The following DNAH11 variants were observed in gnomAD, a reference collection of about 807,000 sequenced individuals.
The protein encoded by DNAH11 is dynein axonemal heavy chain 11, also known as axonemal beta dynein heavy chain 11.
In DNAH11, 442 loss-of-function variants were observed where a neutral mutation model predicts 526.0. The observed-to-expected ratio is 0.84, with a 90% confidence interval of 0.78 to 0.91. The LOEUF is 0.91. DNAH11 is among the 40% of genes least tolerant of loss of function. The pLI, the probability that DNAH11 is intolerant of heterozygous loss-of-function variation, is 0.00. For synonymous variants in DNAH11, 2,461 were observed against 1,935.9 expected, an observed-to-expected ratio of 1.27 and a Z score of -7.12; for missense variants, 6,989 against 5,448.7, an observed-to-expected ratio of 1.28 and a Z score of -8.90.
chr7:21,854,204 C>A, intron 67 of DNAH11, 111 bp from the exon 68 acceptor site: 1 of 1,104,492 alleles, frequency 9.1e-7, no homozygotes, highest in Admixed American at 3.2e-5. Flanking sequence ...TGCATGTTAT[C>A]TATTTTAATA....
At chr7:21,626,319 T>C (rs1786330645) in intron 25 of DNAH11, among the ~76,000 whole-genome samples, 1 of 152,202 alleles carries the variant, frequency 6.6e-6, no homozygotes, top group Non-Finnish European at 1.5e-5. Context: ...GGCTGAATAA[T>C]ATTCTATTGT....
rs199799310 is a variant in DNAH11 at position 21,807,962 on chromosome 7, G to A, written c.10245G>A (p.Ala3415=). Residue 3415 remains alanine (A), a synonymous_variant, in exon 63 of 82, where the codon GCG becomes GCA. Coordinates refer to ENST00000409508, the MANE Select transcript of DNAH11 (RefSeq NM_001277115.2). ...TCTGTGGAGATGTTCTTCTCACGGC[G>A]GCATTTGTGTCTTACGTCGGACCCT... ...KTLCGDVLLT[A]AFVSYVGPFT... 7.9e-5 allele frequency: 127 copies of A among 1,608,186 alleles called. No individual in the cohort carries two copies. The East Asian group carries it at 1.5e-3, about 19-fold the overall frequency.
intron 22 of DNAH11, 64 bp from the exon 23 acceptor site, chr7:21,617,555 C>T (rs368446330): frequency 3.2e-6 from 5 of 1,558,380 alleles, no homozygotes; most frequent in Admixed American, 3.7e-5. Flanking sequence ...TCAAAGGAGG[C>T]AAATTATTAA....
At chr7:21,737,174 C>G (rs960647629) in intron 46 of DNAH11, among the ~76,000 whole-genome samples, 3 of 152,070 alleles carry the variant, frequency 2.0e-5, no homozygotes, top group African/African-American at 7.2e-5. Flanking sequence ...GATAGAAGGA[C>G]CAGCTTAAGC....
At position 21,864,577 on chromosome 7, in the gene DNAH11, T is replaced by A. The variant is rs754427666; in HGVS notation, c.11416T>A (p.Phe3806Ile). 6.2e-7 allele frequency: 1 copy of A among 1,612,362 alleles called. No individual in the cohort carries two copies. The highest frequency in any genetic ancestry group is 8.5e-7 in the Non-Finnish European group (1 of 1,179,098). ...AGAGATAGACCCTCTTGAATTGGATTTCCTGCTTCGATTCACAGTTGAACA... is the reference window on the plus strand; with the variant it reads ...AGAGATAGACCCTCTTGAATTGGATATCCTGCTTCGATTCACAGTTGAACA... Reference protein sequence around the residue: ...KKEIDPLELDFLLRFTVEHTH... With the variant: ...KKEIDPLELDILLRFTVEHTH... Residue 3806 changes from phenylalanine (F) to isoleucine (I), a missense_variant, in exon 70 of 82, where the codon TTC becomes ATC. Transcript: ENST00000409508.
intron 20 of DNAH11, 79 bp downstream of exon 20, chr7:21,606,812 A>AG: frequency 1.6e-6 from 2 of 1,212,452 alleles, no homozygotes; most frequent in Non-Finnish European, 2.3e-6. Context: ...AAATACTGCC[A>AG]CATTTTGTCT....
intron 55 of DNAH11, among the ~76,000 whole-genome samples, chr7:21,768,482 A>G (rs557917816): frequency 1.3e-5 from 2 of 152,188 alleles, no homozygotes; most frequent in South Asian, 4.1e-4. Flanking sequence ...AAGGAGTGAG[A>G]TGTTTGTTGG....
chr7:21,710,474 A>T, intron 40 of DNAH11, 79 bp from the exon 41 acceptor site: 4 of 1,333,088 alleles, frequency 3.0e-6, no homozygotes, highest in Non-Finnish European at 4.1e-6. Flanking sequence ...GTTTTTATTT[A>T]GTTAATAAAA....
chr7:21,590,244 A>G (rs1784624509), intron 12 of DNAH11, among the ~76,000 whole-genome samples: 2 of 152,304 alleles, frequency 1.3e-5, no homozygotes, highest in Admixed American at 1.3e-4. Context: ...ATGTATATGC[A>G]TTGTATATAT....
intron 42 of DNAH11, among the ~76,000 whole-genome samples, chr7:21,715,165 G>T (rs2128482146): frequency 6.6e-6 from 1 of 152,314 alleles, no homozygotes; most frequent in South Asian, 2.1e-4. Flanking sequence ...CTTGAAGCTT[G>T]CTCTAAGGGT....
At chr7:21,608,397 T>C (rs1785387065) in intron 20 of DNAH11, among the ~76,000 whole-genome samples, 1 of 152,216 alleles carries the variant, frequency 6.6e-6, no homozygotes, top group African/African-American at 2.4e-5. Flanking sequence ...CTGGGCACCT[T>C]TCTGAGTTGC....
intron 74 of DNAH11, among the ~76,000 whole-genome samples, chr7:21,877,699 C>A (rs1015501640): frequency 2.6e-5 from 4 of 151,790 alleles, no homozygotes; most frequent in Non-Finnish European, 5.9e-5. Flanking sequence ...AAAGGTGAAA[C>A]CCCATCTCTA....
At chr7:21,592,559 G>A (rs1211605802) in intron 14 of DNAH11, among the ~76,000 whole-genome samples, 1 of 152,192 alleles carries the variant, frequency 6.6e-6, no homozygotes, top group Non-Finnish European at 1.5e-5. Flanking sequence ...AGGGGAAAGA[G>A]CAGCCAGAGA....
intron 45 of DNAH11, among the ~76,000 whole-genome samples, chr7:21,726,925 A>C (rs1785139016): frequency 3.5e-5 from 2 of 57,162 alleles, no homozygotes; most frequent in East Asian, 5.5e-4. Flanking sequence ...ATATTTCTGC[A>C]TCCTCTTTTC....
chr7:21,558,707 A>C, intron 2 of DNAH11, 95 bp from the exon 3 acceptor site: 1 of 866,448 alleles, frequency 1.2e-6, no homozygotes, highest in Non-Finnish European at 1.8e-6. Context: ...TATTTATGAA[A>C]TTGGACAGTT....
chr7:21,660,536 G>A (rs1191989778), intron 30 of DNAH11, among the ~76,000 whole-genome samples: 1 of 150,714 alleles, frequency 6.6e-6, no homozygotes, highest in Non-Finnish European at 1.5e-5. Flanking sequence ...ATTTTTTGCT[G>A]TTAAAGATGA....
rs573661938 is a variant in DNAH11, at chr7:21,631,290, G to C, written c.4501-4581G>C. ...ATTCAAGGTGAGATTTGGATAGGGA[G>C]ACAGCCAAACCATATCATTCCACCC... On this transcript the variant is annotated intron_variant, in intron 25 of 81. Coordinates refer to ENST00000409508, the MANE Select transcript of DNAH11 (RefSeq NM_001277115.2). 2.0e-5 allele frequency among the ~76,000 whole-genome samples: 3 copies of C among 152,274 alleles called. No homozygotes were observed. In the East Asian group the frequency reaches 5.8e-4, roughly 29 times the overall value.
At chr7:21,669,396 C>T (rs952606082) in intron 30 of DNAH11, among the ~76,000 whole-genome samples, 1 of 152,146 alleles carries the variant, frequency 6.6e-6, no homozygotes, top group Admixed American at 6.5e-5. Context: ...CTCTTGAGCT[C>T]CTGACCTCAA....
chr7:21,850,757 A>G (rs1039088531), intron 66 of DNAH11, among the ~76,000 whole-genome samples: 1 of 152,024 alleles, frequency 6.6e-6, no homozygotes, highest in Non-Finnish European at 1.5e-5. Flanking sequence ...GCTAGGAGTT[A>G]CGGCTGTGTC....
Sources: gnomAD v4.1 joint callset for allele counts (sites outside exome capture counted in the v4.1 genomes callset) on GRCh38, gnomAD v4.1.1 for gene constraint, MANE v1.5 for transcripts, NCBI Gene and HGNC (gene_info 2026-07-23, HGNC 2026-07-21) for gene names.